Variants in LRRC4C observed in about 807,000 individuals in gnomAD.
The protein encoded by LRRC4C is leucine-rich repeat-containing protein 4C.
A neutral mutation model predicts 33.6 loss-of-function variants in LRRC4C; 5 were observed. The observed-to-expected ratio is 0.15, with a 90% CI of 0.08 to 0.31. The LOEUF (loss-of-function observed/expected upper bound fraction) is 0.31, where lower values mean the gene tolerates loss of function less well. LRRC4C is among the 10% of genes least tolerant of loss of function. LRRC4C has a pLI of 1.00. For synonymous variants in LRRC4C, 329 were observed against 302.0 expected, an observed-to-expected ratio of 1.09 and a Z score of -0.93; for missense variants, 560 against 796.7, an observed-to-expected ratio of 0.70 and a Z score of 3.58.
At chr11:40,791,347 A>G (rs948324324) in intron 2 of LRRC4C, among the ~76,000 whole-genome samples, 1 of 152,084 alleles carries the variant, frequency 6.6e-6, no homozygotes, top group African/African-American at 2.4e-5. Context: ...CAAATCAGTT[A>G]TTTTCCCCCC....
rs531834144 is a variant in LRRC4C, at chr11:41,327,630, T to G, written c.-496+131801A>C. On this transcript the variant is annotated intron_variant, in intron 1 of 6. Coordinates refer to ENST00000528697, the MANE Select transcript of LRRC4C (RefSeq NM_001258419.2). ...AGGAATGTTAGTGATATGGTTTGGC[T>G]GTGTCCCCACCCAAATCTCATCTTG... 1.4e-4 allele frequency among the ~76,000 whole-genome samples: 21 copies of G among 152,330 alleles called. 1 individual carries two copies. In the South Asian group the frequency reaches 3.1e-3, roughly 23 times the overall value.
chr11:40,886,817 C>T (rs891680199), intron 2 of LRRC4C, among the ~76,000 whole-genome samples: 1 of 151,744 alleles, frequency 6.6e-6, no homozygotes, highest in Non-Finnish European at 1.5e-5. Context: ...TAGTATCCCT[C>T]TCTCCACTGA....
At chr11:40,683,855 G>A (rs1467874133) in intron 2 of LRRC4C, among the ~76,000 whole-genome samples, 1 of 152,138 alleles carries the variant, frequency 6.6e-6, no homozygotes, top group East Asian at 1.9e-4. Flanking sequence ...TTTGAAAAGG[G>A]AAAACATAAA....
At chr11:41,194,235 C>T in intron 1 of LRRC4C, among the ~76,000 whole-genome samples, 1 of 152,034 alleles carries the variant, frequency 6.6e-6, no homozygotes, top group Non-Finnish European at 1.5e-5. Flanking sequence ...ATTCAGTCAA[C>T]AGTAGGCTAT....
intron 5 of LRRC4C, among the ~76,000 whole-genome samples, chr11:40,166,002 T>C (rs1022088320): frequency 2.0e-5 from 3 of 152,170 alleles, no homozygotes; most frequent in Non-Finnish European, 2.9e-5. Context: ...AGTAGAAGTG[T>C]AAACTGGTAC....
rs373916700 is a variant in LRRC4C, at chr11:40,784,111, A to G, written c.-406-135833T>C. On this transcript the variant is annotated intron_variant, in intron 2 of 6. Coordinates refer to ENST00000528697, the MANE Select transcript of LRRC4C (RefSeq NM_001258419.2). ...ATATATATACATTCATTAAAGAATAATCCTATGTATTATGTTCATTTAATA... is the reference window on the plus strand; with the variant it reads ...ATATATATACATTCATTAAAGAATAGTCCTATGTATTATGTTCATTTAATA... 4.6e-5 allele frequency among the ~76,000 whole-genome samples: 7 copies of G among 152,172 alleles called. No individual in the cohort carries two copies. In the South Asian group the frequency reaches 6.2e-4, roughly 14 times the overall value.
intron 3 of LRRC4C, among the ~76,000 whole-genome samples, chr11:40,333,981 T>G (rs1194866442): frequency 6.6e-6 from 1 of 152,140 alleles, no homozygotes; most frequent in Non-Finnish European, 1.5e-5. Context: ...CCCAATTATC[T>G]TAGTGCTTTA....
intron 2 of LRRC4C, among the ~76,000 whole-genome samples, chr11:40,719,711 G>A (rs1167337065): frequency 2.6e-5 from 4 of 152,108 alleles, no homozygotes; most frequent in Non-Finnish European, 4.4e-5. Flanking sequence ...AGGAACATTG[G>A]AGTAAGAAAT....
intron 5 of LRRC4C, among the ~76,000 whole-genome samples, chr11:40,205,995 C>G (rs960556199): frequency 1.3e-5 from 2 of 151,964 alleles, no homozygotes; most frequent in African/African-American, 4.8e-5. Context: ...TTGTATCTTT[C>G]TTCTGAAATA....
chr11:41,267,635 G>A (rs559530549), intron 1 of LRRC4C, among the ~76,000 whole-genome samples: 36 of 152,026 alleles, frequency 2.4e-4, no homozygotes, highest in Non-Finnish European at 1.3e-4. Flanking sequence ...TTCTTACACT[G>A]TGCCAATTTT....
At chr11:40,320,983 AAATT>A (rs1167394389) in intron 3 of LRRC4C, among the ~76,000 whole-genome samples, 1 of 152,234 alleles carries the variant, frequency 6.6e-6, no homozygotes. Context: ...ACTTGAAAAA[AAATT>A]AATTATCTAC....
intron 1 of LRRC4C, among the ~76,000 whole-genome samples, chr11:41,351,458 A>G (rs1173741698): frequency 6.7e-6 from 1 of 150,288 alleles, no homozygotes; most frequent in Non-Finnish European, 1.5e-5. Flanking sequence ...ATCCTCACTA[A>G]AGAGGTTGCC....
chr11:40,920,618 A>G (rs772023348), intron 2 of LRRC4C, among the ~76,000 whole-genome samples: 80 of 152,148 alleles, frequency 5.3e-4, no homozygotes, highest in Non-Finnish European at 8.2e-4. Context: ...TTTCAGATTC[A>G]TGAGTGGCCA....
chr11:40,637,383 G>GAATTAAAAC (rs1258377443), intron 3 of LRRC4C, among the ~76,000 whole-genome samples: 1 of 152,110 alleles, frequency 6.6e-6, no homozygotes, highest in African/African-American at 2.4e-5. Flanking sequence ...AAACAGTATA[G>GAATTAAAAC]AATTAAAACT....
intron 2 of LRRC4C, among the ~76,000 whole-genome samples, chr11:40,844,021 A>G (rs941139426): frequency 3.9e-5 from 6 of 152,124 alleles, no homozygotes; most frequent in Admixed American, 1.3e-4. Flanking sequence ...CTGAGACATT[A>G]TTGGTGCTCT....
chr11:40,634,906 G>A (rs1033022979), intron 3 of LRRC4C, among the ~76,000 whole-genome samples: 12 of 151,440 alleles, frequency 7.9e-5, no homozygotes, highest in Non-Finnish European at 1.5e-4. Context: ...AAGAAAAAAG[G>A]AAAAAGGAAA....
chr11:40,635,347 T>G (rs2136050285), intron 3 of LRRC4C, among the ~76,000 whole-genome samples: 1 of 152,344 alleles, frequency 6.6e-6, no homozygotes, highest in East Asian at 1.9e-4. Flanking sequence ...CCCAAGGTCC[T>G]GGCCTATAGA....
chr11:40,877,483 CCTGT>C (rs1231426576), intron 2 of LRRC4C, among the ~76,000 whole-genome samples: 1 of 152,112 alleles, frequency 6.6e-6, no homozygotes, highest in African/African-American at 2.4e-5. Context: ...ACTCATTAAT[CCTGT>C]CTAACAGTTG....
At chr11:40,203,152 C>T (rs1473322274) in intron 5 of LRRC4C, among the ~76,000 whole-genome samples, 1 of 152,108 alleles carries the variant, frequency 6.6e-6, no homozygotes, top group Non-Finnish European at 1.5e-5. Flanking sequence ...CCCTTTGTTA[C>T]TGGGTATTTT....
Sources: gnomAD v4.1 joint callset for allele counts (sites outside exome capture counted in the v4.1 genomes callset) on GRCh38, gnomAD v4.1.1 for gene constraint, MANE v1.5 for transcripts, NCBI Gene and HGNC (gene_info 2026-07-23, HGNC 2026-07-21) for gene names.